Variants in LUZP2 observed in about 807,000 individuals in gnomAD.
The protein encoded by LUZP2 is leucine zipper protein 2.
LUZP2 carries 52 observed loss-of-function variants against 51.6 expected under a neutral mutation model. That is an observed-to-expected ratio of 1.01 (90% CI 0.81 to 1.27). LUZP2 has a LOEUF of 1.27. Ranked by LOEUF, LUZP2 falls within the 50% of genes most tolerant of loss-of-function variation. The pLI, the probability that LUZP2 is intolerant of heterozygous loss-of-function variation, is 0.00. For missense variants in LUZP2, 436 were observed against 395.4 expected, an observed-to-expected ratio of 1.10 and a Z score of -0.87; for synonymous variants, 154 against 137.3, an observed-to-expected ratio of 1.12 and a Z score of -0.85.
intron 9 of LUZP2, among the ~76,000 whole-genome samples, chr11:25,039,401 G>A (rs572126788): frequency 3.1e-4 from 47 of 152,270 alleles, no homozygotes; most frequent in Non-Finnish European, 4.7e-4. Flanking sequence ...GGCCCTAGGT[G>A]GTACTGGTAG....
chr11:24,521,962 A>G (rs1353084751), intron 1 of LUZP2, among the ~76,000 whole-genome samples: 2 of 152,132 alleles, frequency 1.3e-5, no homozygotes, highest in Non-Finnish European at 2.9e-5. Flanking sequence ...ATATATATAT[A>G]TATTTTTCGA....
intron 1 of LUZP2, among the ~76,000 whole-genome samples, chr11:24,616,469 G>A (rs919270813): frequency 2.7e-5 from 2 of 74,530 alleles, no homozygotes; most frequent in Admixed American, 1.2e-4. Context: ...GGTATTTGGC[G>A]TGCGCATGTG....
chr11:24,711,177 C>G (rs979674971), intron 1 of LUZP2, among the ~76,000 whole-genome samples: 2 of 152,112 alleles, frequency 1.3e-5, no homozygotes, highest in African/African-American at 4.8e-5. Context: ...GGGCCTGGCG[C>G]GGTGGCTGAT....
At chr11:24,549,329 G>C (rs934519256) in intron 1 of LUZP2, among the ~76,000 whole-genome samples, 1 of 152,034 alleles carries the variant, frequency 6.6e-6, no homozygotes, top group African/African-American at 2.4e-5. Context: ...CTACTGGAAG[G>C]TCTCCATGGG....
chr11:24,651,190 G>A (rs931870748), intron 1 of LUZP2, among the ~76,000 whole-genome samples: 7 of 152,004 alleles, frequency 4.6e-5, no homozygotes, highest in African/African-American at 1.7e-4. Context: ...ACTAACCAAT[G>A]GGACCATAAA....
At chr11:24,871,286 G>T (rs1209802638) in intron 5 of LUZP2, among the ~76,000 whole-genome samples, 2 of 151,886 alleles carry the variant, frequency 1.3e-5, no homozygotes, top group African/African-American at 4.8e-5. Flanking sequence ...TAATGAAGTT[G>T]TCAACCATCA....
chr11:24,956,591 T>A (rs771458140), intron 7 of LUZP2, among the ~76,000 whole-genome samples: 3 of 152,004 alleles, frequency 2.0e-5, no homozygotes, highest in African/African-American at 4.8e-5. Context: ...AAATGAAACA[T>A]AATGGAGTTC....
intron 5 of LUZP2, among the ~76,000 whole-genome samples, chr11:24,809,112 G>A (rs1222084540): frequency 2.6e-5 from 4 of 152,088 alleles, no homozygotes; most frequent in Non-Finnish European, 4.4e-5. Context: ...ATGTGGAAAT[G>A]TATAATATGT....
intron 1 of LUZP2, among the ~76,000 whole-genome samples, chr11:24,565,265 T>G (rs747900784): frequency 1.8e-4 from 28 of 152,140 alleles, no homozygotes; most frequent in Admixed American, 5.2e-4. Flanking sequence ...GCAGATGCAT[T>G]AAATAGAAGA....
At chr11:24,793,937 G>A (rs1164969607) in intron 5 of LUZP2, among the ~76,000 whole-genome samples, 1 of 151,726 alleles carries the variant, frequency 6.6e-6, no homozygotes, top group African/African-American at 2.4e-5. Flanking sequence ...ATTATATTCT[G>A]ACTAACCAAT....
chr11:24,956,361 G>C (rs1254456407), intron 7 of LUZP2, among the ~76,000 whole-genome samples: 1 of 152,042 alleles, frequency 6.6e-6, no homozygotes, highest in Non-Finnish European at 1.5e-5. Flanking sequence ...CTTTGGCCCA[G>C]TAAGTCATAT....
intron 1 of LUZP2, among the ~76,000 whole-genome samples, chr11:24,573,543 T>C (rs1852508966): frequency 6.6e-6 from 1 of 152,028 alleles, no homozygotes; most frequent in Non-Finnish European, 1.5e-5. Context: ...TGCATATTAT[T>C]ATACTAATAG....
At chr11:25,042,719 G>T (rs144971589) in intron 9 of LUZP2, among the ~76,000 whole-genome samples, 260 of 152,264 alleles carry the variant, frequency 1.7e-3, no homozygotes, top group African/African-American at 5.9e-3. Context: ...TCTGGTAGTT[G>T]TCTGGGGATA....
chr11:24,757,078 A>G (rs543597398), intron 4 of LUZP2, among the ~76,000 whole-genome samples: 3 of 152,340 alleles, frequency 2.0e-5, no homozygotes, highest in Admixed American at 6.5e-5. Context: ...CATGTGGCCC[A>G]CCAGGAACAT....
chr11:25,034,573 ATTTTGTATATTGTGAAT>A (rs1857792082), intron 9 of LUZP2, among the ~76,000 whole-genome samples: 1 of 152,044 alleles, frequency 6.6e-6, no homozygotes, highest in African/African-American at 2.4e-5. Flanking sequence ...TATTTGATCC[ATTTTGTATATTGTGAAT>A]TTTTGTATAT....
chr11:24,656,878 T>G (rs1241519416), intron 1 of LUZP2, among the ~76,000 whole-genome samples: 1 of 152,212 alleles, frequency 6.6e-6, no homozygotes, highest in Admixed American at 6.5e-5. Context: ...ATGATTAGAT[T>G]GAGCTCACCT....
chr11:24,529,703 C>T (rs928020700), intron 1 of LUZP2, among the ~76,000 whole-genome samples: 2 of 150,900 alleles, frequency 1.3e-5, no homozygotes, highest in Non-Finnish European at 3.0e-5. Context: ...AATTTCCCCC[C>T]ATTTAATAGA....
chr11:24,617,204 C>T (rs1479355492), intron 1 of LUZP2, among the ~76,000 whole-genome samples: 4 of 145,910 alleles, frequency 2.7e-5, no homozygotes, highest in Admixed American at 1.3e-4. Flanking sequence ...TATCAATCTT[C>T]ATGTTCACTG....
At chr11:24,738,447 T>C (rs1590425271) in intron 4 of LUZP2, 145 bp downstream of exon 4, 1 of 611,640 alleles carries the variant, frequency 1.6e-6, no homozygotes, top group Non-Finnish European at 2.9e-6. Context: ...GTGAACAGAA[T>C]AGTACTTGGT....
Sources: allele counts gnomAD v4.1 joint callset (sites outside exome capture counted in the v4.1 genomes callset), GRCh38; gene constraint gnomAD v4.1.1; transcripts MANE v1.5; gene names NCBI Gene and HGNC (gene_info 2026-07-23, HGNC 2026-07-21).